The following ARMC3 variants were observed in gnomAD, a reference collection of about 807,000 sequenced individuals.
ARMC3 encodes the protein armadillo repeat-containing protein 3.
ARMC3 carries 74 observed loss-of-function variants against 90.3 expected under a neutral mutation model. The observed-to-expected ratio is 0.82, with a 90% CI of 0.68 to 0.99. The LOEUF is 0.99. ARMC3 is among the 50% of genes least tolerant of loss of function. ARMC3 has a pLI of 0.00. For synonymous variants in ARMC3, 334 were observed against 361.8 expected, an observed-to-expected ratio of 0.92 and a Z score of 0.87; for missense variants, 958 against 1,042.8, an observed-to-expected ratio of 0.92 and a Z score of 1.12.
chr10:23,018,553 G>A (rs533710223), intron 16 of ARMC3, among the ~76,000 whole-genome samples: 1 of 121,188 alleles, frequency 8.3e-6, no homozygotes, highest in South Asian at 2.6e-4. Flanking sequence ...GTCTCGCACT[G>A]TCACCCAGGC....
At chr10:22,961,789 A>G in intron 6 of ARMC3, 95 bp from the exon 7 acceptor site, 1 of 1,079,180 alleles carries the variant, frequency 9.3e-7, no homozygotes, top group Non-Finnish European at 1.3e-6. Context: ...TGGGCAAATT[A>G]TAACTTATGT....
intron 1 of ARMC3, among the ~76,000 whole-genome samples, chr10:22,929,693 A>G (rs1203422739): frequency 6.6e-6 from 1 of 152,148 alleles, no homozygotes; most frequent in African/African-American, 2.4e-5. Context: ...GAATGCAGGC[A>G]CATGCCACCG....
chr10:22,944,650 C>T (rs1448404454), intron 2 of ARMC3, among the ~76,000 whole-genome samples: 1 of 152,230 alleles, frequency 6.6e-6, no homozygotes, highest in East Asian at 1.9e-4. Flanking sequence ...ACATGTGTCA[C>T]TTGGGTGATG....
At chr10:22,964,870 T>C (rs949471877) in intron 7 of ARMC3, among the ~76,000 whole-genome samples, 1 of 152,140 alleles carries the variant, frequency 6.6e-6, no homozygotes, top group Non-Finnish European at 1.5e-5. Flanking sequence ...CTTTAACTTA[T>C]AATAGTCTAG....
chr10:22,962,182 T>A, intron 7 of ARMC3, 104 bp downstream of exon 7: 2 of 823,960 alleles, frequency 2.4e-6, no homozygotes, highest in Non-Finnish European at 3.4e-6. Flanking sequence ...TGTAATAGAT[T>A]AATTTGCTTA....
chr10:23,033,823 G>C (rs1839019607), intron 18 of ARMC3, among the ~76,000 whole-genome samples: 1 of 152,156 alleles, frequency 6.6e-6, no homozygotes. Context: ...TGGTGCGAGA[G>C]AGTACATGAG....
chr10:23,013,141 T>C (rs7074486), intron 16 of ARMC3, among the ~76,000 whole-genome samples: 93,355 of 151,622 alleles, frequency 0.62, 30,031 homozygotes, highest in Non-Finnish European at 0.72. Context: ...TCACGTGATC[T>C]GCCTGCCTCG....
At chr10:22,959,371 A>T in intron 5 of ARMC3, 28 bp from the exon 6 acceptor site, 1 of 1,575,042 alleles carries the variant, frequency 6.3e-7, no homozygotes, top group Non-Finnish European at 8.6e-7. Flanking sequence ...CAGTTGGCAT[A>T]CTTGTGTTAT....
intron 5 of ARMC3, 52 bp from the exon 6 acceptor site, chr10:22,959,347 G>A: frequency 6.6e-7 from 1 of 1,513,858 alleles, no homozygotes; most frequent in Non-Finnish European, 9.0e-7. Flanking sequence ...TTAAAGTAGT[G>A]GCTGAATAAT....
chr10:22,975,272 A>T (rs764750844), intron 8 of ARMC3, among the ~76,000 whole-genome samples: 3 of 152,130 alleles, frequency 2.0e-5, no homozygotes, highest in Non-Finnish European at 4.4e-5. Context: ...TATGGAAGTG[A>T]TGACAGGCAC....
At chr10:22,987,734 G>A (rs1448718602) in intron 10 of ARMC3, among the ~76,000 whole-genome samples, 1 of 152,118 alleles carries the variant, frequency 6.6e-6, no homozygotes, top group African/African-American at 2.4e-5. Context: ...GAAGAACTGA[G>A]TGATTTACCT....
chr10:22,973,514 G>A (rs1425197849), intron 8 of ARMC3, among the ~76,000 whole-genome samples: 1 of 150,290 alleles, frequency 6.7e-6, no homozygotes, highest in African/African-American at 2.4e-5. Context: ...TCTATATTAA[G>A]GATATTAAGA....
intron 2 of ARMC3, among the ~76,000 whole-genome samples, chr10:22,943,996 C>A (rs1420072730): frequency 3.3e-5 from 5 of 151,952 alleles, no homozygotes; most frequent in Admixed American, 3.3e-4. Context: ...AGCTAAACAG[C>A]AAAATACATT....
chr10:22,954,890 C>T (rs1834866561), intron 3 of ARMC3, among the ~76,000 whole-genome samples: 2 of 152,022 alleles, frequency 1.3e-5, no homozygotes, highest in Non-Finnish European at 2.9e-5. Flanking sequence ...AGAAGTCCCA[C>T]GACAATACCA....
At chr10:22,979,883 A>C (rs1387096266) in intron 8 of ARMC3, among the ~76,000 whole-genome samples, 3 of 152,196 alleles carry the variant, frequency 2.0e-5, no homozygotes, top group African/African-American at 7.2e-5. Context: ...AAAATGAATG[A>C]GCAGGAGCGT....
chr10:22,999,399 C>T lies in ARMC3; in HGVS notation c.1425+1002C>T, dbSNP rs77796858. Among the ~76,000 whole-genome samples, 881 of 152,272 alleles carry T rather than the reference C, an allele frequency of 5.8e-3. 5 individuals carry two copies. Among genetic ancestry groups the T allele is most frequent in the African/African-American group, 0.02 (845 of 41,552 alleles). On this transcript the variant is annotated intron_variant, in intron 11 of 18. Coordinates refer to ENST00000298032, the MANE Select transcript of ARMC3 (RefSeq NM_173081.5). ...CCGCATCTCTACAAAAAGACTCTGC[C>T]TCCTAAAAGAATAAAAATACAACTG...
chr10:22,998,513 G>A (rs897764919), intron 11 of ARMC3, 116 bp downstream of exon 11: 17 of 1,352,376 alleles, frequency 1.3e-5, no homozygotes, highest in African/African-American at 2.9e-5. Context: ...CTTCAAAACC[G>A]GTAAAACAGT....
intron 8 of ARMC3, among the ~76,000 whole-genome samples, chr10:22,972,034 T>C (rs540153514): frequency 1.8e-4 from 27 of 152,238 alleles, no homozygotes; most frequent in African/African-American, 6.3e-4. Context: ...CATTTTTTGA[T>C]TGGGTTGTTT....
At chr10:22,982,375 G>A (rs561297756) in intron 10 of ARMC3, among the ~76,000 whole-genome samples, 48 of 152,260 alleles carry the variant, frequency 3.2e-4, no homozygotes, top group Middle Eastern at 3.4e-3. Flanking sequence ...GCGAGGCTCC[G>A]CTTCAAACAA....
Sources: allele counts gnomAD v4.1 joint callset (sites outside exome capture counted in the v4.1 genomes callset), GRCh38; gene constraint gnomAD v4.1.1; transcripts MANE v1.5; gene names NCBI Gene and HGNC (gene_info 2026-07-23, HGNC 2026-07-21).